CSGALNACT1: variants seen among roughly 807,000 people sequenced by gnomAD.
CSGALNACT1 encodes beta4GalNAcT-1.
In CSGALNACT1, 52 loss-of-function variants were observed where a neutral mutation model predicts 51.0. The ratio of observed to expected loss-of-function variants is 1.02; its 90% CI spans 0.82 to 1.29. CSGALNACT1 has a LOEUF of 1.29. Ranked by LOEUF, CSGALNACT1 falls within the 50% of genes most tolerant of loss-of-function variation. The probability of loss-of-function intolerance (pLI) is 0.00; values close to 1 mark genes in which losing one functional copy is unlikely to be tolerated. For missense variants in CSGALNACT1, 935 were observed against 679.2 expected (o/e 1.38, Z -4.19); for synonymous variants, 341 against 254.4 (o/e 1.34, Z -3.24).
At chr8:19,728,567 G>T (rs1419194306) in intron 1 of CSGALNACT1, among the ~76,000 whole-genome samples, 3 of 152,000 alleles carry the variant, frequency 2.0e-5, no homozygotes, top group African/African-American at 4.8e-5. Context: ...GCACAGACTT[G>T]TTCTAATCTG....
intron 1 of CSGALNACT1, among the ~76,000 whole-genome samples, chr8:19,661,563 G>T (rs2154190874): frequency 6.6e-6 from 1 of 152,236 alleles, no homozygotes; most frequent in South Asian, 2.1e-4. Context: ...TACTATTCCC[G>T]CTATGTGGAG....
chr8:19,732,414 A>C (rs1423485480), intron 1 of CSGALNACT1: 2 of 152,236 alleles, frequency 1.3e-5, no homozygotes, highest in Non-Finnish European at 2.9e-5. Flanking sequence ...GCTGTGTTCA[A>C]GGACCATCTC....
intron 6 of CSGALNACT1, 81 bp from the exon 6 acceptor site, chr8:19,420,599 A>G (rs2057766453): frequency 4.9e-6 from 7 of 1,416,822 alleles, no homozygotes; most frequent in Non-Finnish European, 7.0e-6. Flanking sequence ...ATCAGGGCCC[A>G]TCCACATCTT....
intron 1 of CSGALNACT1, among the ~76,000 whole-genome samples, chr8:19,612,730 G>A (rs376709279): frequency 4.0e-5 from 6 of 151,806 alleles, no homozygotes; most frequent in Non-Finnish European, 8.8e-5. Context: ...CTAAAGTTGC[G>A]AGATTCCGTG....
intron 1 of CSGALNACT1, among the ~76,000 whole-genome samples, chr8:19,756,926 C>T (rs991262670): frequency 6.5e-4 from 98 of 151,550 alleles, no homozygotes; most frequent in Non-Finnish European, 1.0e-3. Flanking sequence ...CCTCCGCGTC[C>T]CCGCGCGCCC....
At chr8:19,644,133 G>C (rs1471159466) in intron 1 of CSGALNACT1, among the ~76,000 whole-genome samples, 1 of 152,112 alleles carries the variant, frequency 6.6e-6, no homozygotes, top group East Asian at 1.9e-4. Context: ...TAGAAAATTT[G>C]TGATATATGT....
chr8:19,549,272 T>C (rs2087290269), intron 3 of CSGALNACT1, among the ~76,000 whole-genome samples: 1 of 152,174 alleles, frequency 6.6e-6, no homozygotes, highest in Admixed American at 6.5e-5. Context: ...ATAATACTAT[T>C]TATATAACAG....
At chr8:19,532,673 C>T (rs1420216227) in intron 3 of CSGALNACT1, among the ~76,000 whole-genome samples, 1 of 152,184 alleles carries the variant, frequency 6.6e-6, no homozygotes, top group Admixed American at 6.5e-5. Context: ...TACCATATTC[C>T]AGTCATACGA....
At chr8:19,702,602 G>A (rs2061941510) in intron 1 of CSGALNACT1, among the ~76,000 whole-genome samples, 1 of 152,034 alleles carries the variant, frequency 6.6e-6, no homozygotes, top group African/African-American at 2.4e-5. Context: ...CCCTTCCCAA[G>A]CAAAACCCTC....
At chr8:19,625,103 T>C (rs551440479) in intron 1 of CSGALNACT1, among the ~76,000 whole-genome samples, 1 of 152,308 alleles carries the variant, frequency 6.6e-6, no homozygotes, top group African/African-American at 2.4e-5. Flanking sequence ...GTCAGTTCCA[T>C]TCACATTCCA....
rs369543931 is a variant in CSGALNACT1 at position 19,461,719 on chromosome 8, A to C, written c.635-3077T>G. ...GCGTATCCGCACAGCACACACATTC[A>C]CCATGGAGGGCGTATCCGCACAGCG... On this transcript the variant is annotated intron_variant, in intron 4 of 9. Coordinates refer to ENST00000454498, the Ensembl canonical transcript of CSGALNACT1. 1.7e-4 allele frequency among the ~76,000 whole-genome samples: 16 copies of C among 96,914 alleles called. No homozygotes were observed. In the East Asian group the frequency reaches 2.6e-3, roughly 16 times the overall value. The allele number at this position is 96,914 out of a possible 152,430, so 63.6% of individuals were successfully genotyped here. A position where few individuals can be genotyped will look rare whatever the true frequency, so the allele number is the denominator to read the frequency against.
At chr8:19,457,169 A>G (rs2064277939) in intron 5 of CSGALNACT1, among the ~76,000 whole-genome samples, 1 of 152,242 alleles carries the variant, frequency 6.6e-6, no homozygotes, top group South Asian at 2.1e-4. Context: ...AAGGTCTAAG[A>G]CTATTTGATT....
intron 1 of CSGALNACT1, among the ~76,000 whole-genome samples, chr8:19,751,389 G>A (rs2065017476): frequency 6.6e-6 from 1 of 152,150 alleles, no homozygotes; most frequent in African/African-American, 2.4e-5. Flanking sequence ...CTCCATCAGT[G>A]TTAACCGTTT....
At chr8:19,554,209 C>T (rs1478035506) in intron 3 of CSGALNACT1, among the ~76,000 whole-genome samples, 1 of 152,124 alleles carries the variant, frequency 6.6e-6, no homozygotes, top group Non-Finnish European at 1.5e-5. Context: ...AAGTTATCTG[C>T]AAGGGAAGGA....
intron 4 of CSGALNACT1, among the ~76,000 whole-genome samples, chr8:19,469,382 C>A (rs1397763964): frequency 1.3e-5 from 2 of 152,008 alleles, no homozygotes; most frequent in South Asian, 2.1e-4. Context: ...CAGAGCAACA[C>A]CCTGTCTCAA....
chr8:19,673,604 T>C (rs1355728394), intron 1 of CSGALNACT1, among the ~76,000 whole-genome samples: 1 of 152,128 alleles, frequency 6.6e-6, no homozygotes, highest in South Asian at 2.1e-4. Flanking sequence ...TCCTGAGAAA[T>C]GATCTGATGG....
At chr8:19,449,797 T>G (rs180875859) in intron 5 of CSGALNACT1, among the ~76,000 whole-genome samples, 13 of 151,972 alleles carry the variant, frequency 8.6e-5, no homozygotes, top group African/African-American at 2.9e-4. Context: ...TCAAGTAAAC[T>G]TGGAATTGAG....
intron 3 of CSGALNACT1, among the ~76,000 whole-genome samples, chr8:19,508,345 T>G (rs942149932): frequency 5.9e-5 from 9 of 152,264 alleles, no homozygotes; most frequent in African/African-American, 1.7e-4. Flanking sequence ...ATTTCTCAAC[T>G]TTTCTGAGAA....
chr8:19,429,742 T>A (rs886317083), intron 6 of CSGALNACT1, among the ~76,000 whole-genome samples: 3 of 152,236 alleles, frequency 2.0e-5, no homozygotes, highest in Admixed American at 6.5e-5. Context: ...GGTATATACC[T>A]GGGATCAGAA....
Sources: allele counts gnomAD v4.1 joint callset (sites outside exome capture counted in the v4.1 genomes callset), GRCh38; gene constraint gnomAD v4.1.1; transcripts MANE v1.5; gene names NCBI Gene and HGNC (gene_info 2026-07-23, HGNC 2026-07-21).